The following ATXN7L1 variants were observed in gnomAD, a reference collection of about 807,000 sequenced individuals.
ATXN7L1 encodes ataxin 7 like 1, also known as ataxin-7-like protein 1.
In ATXN7L1, 15 loss-of-function variants were observed where a neutral mutation model predicts 70.8. That is an observed-to-expected ratio of 0.21 (90% CI 0.14 to 0.33). ATXN7L1 has a LOEUF of 0.33. Ranked by LOEUF, ATXN7L1 falls within the 10% of genes least tolerant of loss-of-function variation. The pLI is 1.00. For synonymous variants in ATXN7L1, 440 were observed against 445.1 expected, an observed-to-expected ratio of 0.99 and a Z score of 0.14; for missense variants, 975 against 1,097.1, an observed-to-expected ratio of 0.89 and a Z score of 1.57.
intron 2 of ATXN7L1, among the ~76,000 whole-genome samples, chr7:105,837,169 C>G (rs1464980532): frequency 1.3e-5 from 2 of 152,120 alleles, no homozygotes; most frequent in Non-Finnish European, 2.9e-5. Flanking sequence ...ATGGCTCAAG[C>G]CATTCATGAG....
chr7:105,853,845 A>G (rs1815277406), intron 2 of ATXN7L1, among the ~76,000 whole-genome samples: 1 of 152,210 alleles, frequency 6.6e-6, no homozygotes, highest in Non-Finnish European at 1.5e-5. Context: ...GGCGGGCGGT[A>G]GGGAACAACA....
At chr7:105,725,655 A>G (rs1457265774) in intron 3 of ATXN7L1, among the ~76,000 whole-genome samples, 1 of 147,060 alleles carries the variant, frequency 6.8e-6, no homozygotes, top group African/African-American at 2.5e-5. Context: ...ATCTTGGCTC[A>G]CTGCAACCTC....
chr7:105,773,725 C>T lies in ATXN7L1; in HGVS notation c.355+14879G>A, dbSNP rs572575835. Among the ~76,000 whole-genome samples the T allele has an allele frequency of 5.3e-5, 8 of 152,208 alleles. No individual in the cohort carries two copies. The South Asian group carries it at 1.7e-3, about 32-fold the overall frequency. ...AGGATGTGCTACCAGTCCAATGCAA[C>T]TCCAGTGCCGGCTGAATAATGAAAC... On this transcript the variant is annotated intron_variant, in intron 3 of 11. Transcript: ENST00000419735.
intron 2 of ATXN7L1, among the ~76,000 whole-genome samples, chr7:105,813,354 T>TG (rs1808714255): frequency 1.3e-5 from 2 of 151,302 alleles, no homozygotes; most frequent in Non-Finnish European, 2.9e-5. Flanking sequence ...TTTTTTTTTT[T>TG]GAGACGGAGT....
chr7:105,870,980 G>A (rs1167677118), intron 2 of ATXN7L1, among the ~76,000 whole-genome samples: 1 of 151,822 alleles, frequency 6.6e-6, no homozygotes, highest in East Asian at 1.9e-4. Flanking sequence ...AATATTGCTT[G>A]TGTATGAGAT....
chr7:105,702,091 C>G (rs1291508557), intron 3 of ATXN7L1, among the ~76,000 whole-genome samples: 1 of 152,164 alleles, frequency 6.6e-6, no homozygotes, highest in Non-Finnish European at 1.5e-5. Context: ...AGAGTCAATT[C>G]AAGTGTAAAA....
chr7:105,797,373 A>T (rs1269734981), intron 2 of ATXN7L1, among the ~76,000 whole-genome samples: 1 of 152,012 alleles, frequency 6.6e-6, no homozygotes, highest in African/African-American at 2.4e-5. Context: ...ATGACCACAC[A>T]AGACAGTCTC....
intron 3 of ATXN7L1, among the ~76,000 whole-genome samples, chr7:105,729,488 G>A (rs1796287565): frequency 1.3e-5 from 2 of 149,858 alleles, no homozygotes; most frequent in African/African-American, 4.9e-5. Context: ...GGAATGCAGT[G>A]GTGCAATCTC....
chr7:105,769,386 G>T (rs914885324), intron 3 of ATXN7L1, among the ~76,000 whole-genome samples: 1 of 152,128 alleles, frequency 6.6e-6, no homozygotes, highest in African/African-American at 2.4e-5. Flanking sequence ...ACACTATTTT[G>T]TGTGTTTGCT....
intron 3 of ATXN7L1, among the ~76,000 whole-genome samples, chr7:105,675,963 A>C (rs2116131961): frequency 6.6e-6 from 1 of 151,282 alleles, no homozygotes; most frequent in South Asian, 2.1e-4. Context: ...GGGTTATTAC[A>C]GTGATGATAC....
intron 3 of ATXN7L1, among the ~76,000 whole-genome samples, chr7:105,720,650 T>C (rs1042690141): frequency 4.6e-5 from 7 of 152,104 alleles, no homozygotes; most frequent in African/African-American, 1.4e-4. Flanking sequence ...TTACTATTTT[T>C]GGTAGAGACG....
intron 4 of ATXN7L1, among the ~76,000 whole-genome samples, chr7:105,644,129 C>A (rs1798654161): frequency 1.3e-5 from 2 of 152,278 alleles, no homozygotes; most frequent in African/African-American, 4.8e-5. Context: ...ATGGCTTTTA[C>A]ATTCCTGCAG....
intron 3 of ATXN7L1, among the ~76,000 whole-genome samples, chr7:105,699,937 A>G (rs1231494286): frequency 6.6e-6 from 1 of 152,156 alleles, no homozygotes; most frequent in East Asian, 1.9e-4. Context: ...CAGACCATCA[A>G]GTTTGCTGGT....
intron 3 of ATXN7L1, among the ~76,000 whole-genome samples, chr7:105,695,350 T>C (rs765380826): frequency 6.6e-6 from 1 of 152,122 alleles, no homozygotes; most frequent in Non-Finnish European, 1.5e-5. Context: ...CAACATTCCC[T>C]GTCTTCATGG....
intron 3 of ATXN7L1, among the ~76,000 whole-genome samples, chr7:105,779,987 C>A (rs139377371): frequency 6.6e-6 from 1 of 152,288 alleles, no homozygotes; most frequent in African/African-American, 2.4e-5. Context: ...CCAAGCCCCA[C>A]GCAATGGCAA....
In ATXN7L1 at chr7:105,614,082, G is replaced by A. The variant is rs370810151; in HGVS notation, c.2252C>T (p.Ala751Val). 312 of 1,551,728 alleles carry A rather than the reference G, an allele frequency of 2.0e-4. No homozygotes were observed. Among genetic ancestry groups the A allele is most frequent in the East Asian group, 4.9e-4 (20 of 40,918 alleles). The change falls in exon 10 of 12, where the codon GCG becomes GTG. Residue 751 changes from alanine (A) to valine (V), a missense_variant. Physicochemically the swap from Ala to Val is moderately conservative, Grantham distance 64. This residue lies in a region of ATXN7L1 where 635 missense variants were observed against 699.4 expected (regional missense o/e 0.91). Transcript: ENST00000419735. The surrounding 1 kb of genome is among the most constrained non-coding windows in gnomAD (Gnocchi z 4.3). ...DSCPLSVPSL[A>V]LHAGDLSLAS... ...CAGAGAGAGGTCCCCTGCGTGGAGC[G>A]CAAGGGAGGGCACAGAGAGGGGACA...
chr7:105,836,325 T>C (rs1448760176), intron 2 of ATXN7L1, among the ~76,000 whole-genome samples: 1 of 152,170 alleles, frequency 6.6e-6, no homozygotes, highest in African/African-American at 2.4e-5. Flanking sequence ...AATTTAAGCC[T>C]CTGAATCACA....
intron 2 of ATXN7L1, among the ~76,000 whole-genome samples, chr7:105,803,502 CTT>C (rs1807121392): frequency 6.6e-6 from 1 of 152,228 alleles, no homozygotes; most frequent in African/African-American, 2.4e-5. Flanking sequence ...TTATCACTAA[CTT>C]TTCAAGGCAT....
chr7:105,610,454 C>A, intron 11 of ATXN7L1, 75 bp downstream of exon 11: 1 of 1,334,116 alleles, frequency 7.5e-7, no homozygotes, highest in South Asian at 1.3e-5. Flanking sequence ...AGGGTCTGAC[C>A]CCAGTGTCCA....
Sources: allele counts gnomAD v4.1 joint callset (sites outside exome capture counted in the v4.1 genomes callset), GRCh38; gene constraint gnomAD v4.1.1; regional missense constraint gnomAD v4.1.1; non-coding constraint Gnocchi (gnomAD v3.1); transcripts MANE v1.5; gene names NCBI Gene and HGNC (gene_info 2026-07-23, HGNC 2026-07-21).